PRKDC: variants seen among roughly 807,000 people sequenced by gnomAD.
PRKDC encodes protein kinase, DNA-activated, catalytic subunit, also known as DNA-dependent protein kinase catalytic subunit.
In PRKDC, 82 loss-of-function variants were observed where a neutral mutation model predicts 486.9. That is an observed-to-expected ratio of 0.17 (90% CI 0.14 to 0.20). The LOEUF (loss-of-function observed/expected upper bound fraction) is 0.20, where lower values mean the gene tolerates loss of function less well. Among genes scored for constraint, PRKDC ranks in the 10% least tolerant of loss-of-function variants. The pLI is 1.00. For synonymous variants in PRKDC, 1,895 were observed against 1,837.0 expected, an observed-to-expected ratio of 1.03 and a Z score of -0.81; for missense variants, 4,504 against 5,038.2, an observed-to-expected ratio of 0.89 and a Z score of 3.21.
intron 16 of PRKDC, among the ~76,000 whole-genome samples, chr8:47,931,187 G>A (rs1225622845): frequency 6.6e-6 from 1 of 152,248 alleles, no homozygotes; most frequent in Non-Finnish European, 1.5e-5. Context: ...TTTTGGAAGT[G>A]CATGAAGATC....
In PRKDC at chr8:47,802,058, T is replaced by TTTC. The variant is rs138398604; in HGVS notation, c.9923-1075_9923-1073dup. Among the ~76,000 whole-genome samples, 950 of 152,172 alleles carry TTTC rather than the reference T, an allele frequency of 6.2e-3. 7 individuals carry two copies. Among genetic ancestry groups the TTTC allele is most frequent in the Non-Finnish European group, 0.01 (713 of 68,000 alleles). On this transcript the variant is annotated intron_variant, in intron 70 of 85. Transcript: ENST00000314191. ...ATTATTTAGCAATCATAAGGATAAT[T>TTTC]TTCTTCTTCTTCTTCTTTTTTTAGA...
chr8:47,937,956 G>A (rs2090381791), intron 11 of PRKDC, among the ~76,000 whole-genome samples: 1 of 152,090 alleles, frequency 6.6e-6, no homozygotes. Context: ...CTCTACGAAA[G>A]ATTAAAAAAT....
Position 47,779,054 on chromosome 8 carries a change from C to A in PRKDC, c.11529G>T (p.Leu3843=). The A allele has an allele frequency of 6.2e-7, 1 of 1,602,202 alleles. No homozygotes were observed. Among genetic ancestry groups the A allele is most frequent in the Non-Finnish European group, 8.5e-7 (1 of 1,173,990 alleles). ...RAPPCEYKDW[L]TKMSGKHDVG... ...CATCATGTTTTCCTGACATTTTTGT[C>A]AGCCAATCTTTATATTCACACGGCG... The change falls in exon 81 of 86, where the codon CTG becomes CTT. Residue 3843 remains leucine, a synonymous_variant. Transcript: ENST00000314191.
chr8:47,792,151 T>C (rs542587263), intron 74 of PRKDC, among the ~76,000 whole-genome samples: 2 of 151,418 alleles, frequency 1.3e-5, no homozygotes, highest in East Asian at 3.9e-4. Flanking sequence ...ACTGAACTCG[T>C]GGGGAGGGGA....
chr8:47,945,350 T>C lies in PRKDC; in HGVS notation c.722-1321A>G, dbSNP rs376603950. On this transcript the variant is annotated intron_variant, in intron 7 of 85. Coordinates refer to ENST00000314191, the MANE Select transcript of PRKDC (RefSeq NM_006904.7). ...CTGTTGTGTAACCATCACTATTGTCTATACCCAAAATGTTTTCACCATCAA... is the reference window on the plus strand; with the variant it reads ...CTGTTGTGTAACCATCACTATTGTCCATACCCAAAATGTTTTCACCATCAA... 3.5e-4 allele frequency among the ~76,000 whole-genome samples: 53 copies of C among 152,328 alleles called. No individual in the cohort carries two copies. The South Asian group carries it at 3.5e-3, about 10-fold the overall frequency.
At chr8:47,951,512 C>T (rs2154504486) in intron 7 of PRKDC, among the ~76,000 whole-genome samples, 1 of 152,072 alleles carries the variant, frequency 6.6e-6, no homozygotes. Context: ...TCACTTGAGC[C>T]CAAGAGCTTG....
intron 74 of PRKDC, among the ~76,000 whole-genome samples, chr8:47,792,346 C>G (rs1051395563): frequency 2.6e-5 from 4 of 151,126 alleles, no homozygotes; most frequent in African/African-American, 9.8e-5. Context: ...GCAAGCTCCG[C>G]CTCCCGGGTT....
chr8:47,889,220 G>A lies in PRKDC; in HGVS notation c.4074C>T (p.Leu1358=), dbSNP rs755044476. 1.3e-6 allele frequency: 2 copies of A among 1,598,488 alleles called. No individual in the cohort carries two copies. The highest frequency in any genetic ancestry group is 1.7e-6 in the Non-Finnish European group (2 of 1,172,012). ...LLNTSPEGWK[L]LKKDLCNTHL... is the part of the protein sequence containing the mutation. ...GTGTATTACACAAGTCCTTCTTCAG[G>A]AGCTGTAACAGATTGTTTGATAAAA... The change falls in exon 33 of 86, where the codon CTC becomes CTT. Residue 1358 remains leucine, a splice_region_variant and synonymous_variant. Coordinates refer to ENST00000314191, the MANE Select transcript of PRKDC (RefSeq NM_006904.7).
At position 47,899,681 on chromosome 8, in the gene PRKDC, G is replaced by A. The variant is rs8178078; in HGVS notation, c.3364+692C>T. On this transcript the variant is annotated intron_variant, in intron 28 of 85. Coordinates refer to ENST00000314191, the MANE Select transcript of PRKDC (RefSeq NM_006904.7). ...AATAAAATAAAATAAGTCAAGACCC[G>A]TATCAGTGATAAACTCCTGCCACAG... Among the ~76,000 whole-genome samples, 782 of 152,154 alleles carry A rather than the reference G, an allele frequency of 5.1e-3. 12 individuals carry two copies. Among genetic ancestry groups the A allele is most frequent in the African/African-American group, 0.018 (754 of 41,500 alleles).
Position 47,830,655 on chromosome 8 carries a change from T to G in PRKDC, c.8347A>C (p.Ile2783Leu). ...RSYRHGDLPDIQIKHSSLITP... is the reference protein window; with the variant it reads ...RSYRHGDLPDLQIKHSSLITP... Reference sequence around the variant, plus strand: ...ATGAGGCTGCTGTGCTTGATCTGAATGTCAGGAAGGTCTCCGTGCCGGTAG... The same window carrying G: ...ATGAGGCTGCTGTGCTTGATCTGAAGGTCAGGAAGGTCTCCGTGCCGGTAG... Residue 2783 changes from isoleucine (I) to leucine (L), a missense_variant, in exon 61 of 86, where the codon ATT becomes CTT. By Grantham distance (5) the Ile-to-Leu change is conservative. Coordinates refer to ENST00000314191, the MANE Select transcript of PRKDC (RefSeq NM_006904.7). The G allele has an allele frequency of 6.2e-7, 1 of 1,614,030 alleles. No homozygotes were observed. Among genetic ancestry groups the G allele is most frequent in the Non-Finnish European group, 8.5e-7 (1 of 1,179,882 alleles).
intron 54 of PRKDC, among the ~76,000 whole-genome samples, chr8:47,845,499 A>G (rs2088244074): frequency 6.6e-6 from 1 of 152,198 alleles, no homozygotes; most frequent in African/African-American, 2.4e-5. Flanking sequence ...AGATCCTCAG[A>G]GACTATTGTG....
chr8:47,946,830 C>T (rs1387653745), intron 7 of PRKDC, among the ~76,000 whole-genome samples: 1 of 152,170 alleles, frequency 6.6e-6, no homozygotes, highest in Non-Finnish European at 1.5e-5. Flanking sequence ...CTCTCCCATC[C>T]CATTCAGCTT....
chr8:47,906,122 A>G (rs1040423202), intron 25 of PRKDC, among the ~76,000 whole-genome samples: 1 of 152,166 alleles, frequency 6.6e-6, no homozygotes, highest in African/African-American at 2.4e-5. Flanking sequence ...CCAAGTCGGG[A>G]GGGTCTTTTG....
Position 47,901,705 on chromosome 8 carries a change from G to T in PRKDC, c.3269+864C>A, listed in dbSNP as rs181405220. On this transcript the variant is annotated intron_variant, in intron 27 of 85. Transcript: ENST00000314191. ...TTCTGAAATGTAACCCTCACGAAGGGCTGTATCGTTATACCTCCAACATAG... is the reference window on the plus strand; with the variant it reads ...TTCTGAAATGTAACCCTCACGAAGGTCTGTATCGTTATACCTCCAACATAG... 1.8e-4 allele frequency among the ~76,000 whole-genome samples: 28 copies of T among 152,218 alleles called. No homozygotes were observed. The East Asian group carries it at 5.2e-3, about 28-fold the overall frequency.
intron 5 of PRKDC, 35 bp downstream of exon 5, chr8:47,954,302 TA>T: frequency 2.2e-6 from 2 of 912,226 alleles, no homozygotes; most frequent in Non-Finnish European, 3.1e-6. Flanking sequence ...ATTAATTTGC[TA>T]AACTATTTGA....
intron 40 of PRKDC, among the ~76,000 whole-genome samples, chr8:47,876,655 T>C (rs1313591516): frequency 6.6e-6 from 1 of 150,826 alleles, no homozygotes; most frequent in Non-Finnish European, 1.5e-5. Context: ...AGCCAGACTC[T>C]GTCTCAAAAA....
intron 52 of PRKDC, among the ~76,000 whole-genome samples, chr8:47,851,248 C>G (rs2088395983): frequency 6.6e-6 from 1 of 152,090 alleles, no homozygotes; most frequent in Non-Finnish European, 1.5e-5. Flanking sequence ...AGAGATTAAA[C>G]CTGGGGATCT....
At chr8:47,947,278 T>C (rs2090550161) in intron 7 of PRKDC, among the ~76,000 whole-genome samples, 1 of 152,180 alleles carries the variant, frequency 6.6e-6, no homozygotes, top group Non-Finnish European at 1.5e-5. Context: ...AAAGTACCCG[T>C]GGGTCGTGTG....
At chr8:47,901,648 T>C (rs1346382736) in intron 27 of PRKDC, among the ~76,000 whole-genome samples, 1 of 152,226 alleles carries the variant, frequency 6.6e-6, no homozygotes, top group Non-Finnish European at 1.5e-5. Context: ...ACTGCTCATT[T>C]GCCTATGTGG....
Sources: gnomAD v4.1 joint callset for allele counts (sites outside exome capture counted in the v4.1 genomes callset) on GRCh38, gnomAD v4.1.1 for gene constraint, MANE v1.5 for transcripts, NCBI Gene and HGNC (gene_info 2026-07-23, HGNC 2026-07-21) for gene names.